The following FRS3 variants were observed in gnomAD, a reference collection of about 807,000 sequenced individuals.
FRS3 encodes fibroblast growth factor receptor substrate 3, also known as FGFR substrate 3.
In FRS3, 17 loss-of-function variants were observed where a neutral mutation model predicts 41.9. The ratio of observed to expected loss-of-function variants is 0.41; its 90% CI spans 0.28 to 0.61. The LOEUF (loss-of-function observed/expected upper bound fraction) is 0.61, where lower values mean the gene tolerates loss of function less well. FRS3 is among the 20% of genes least tolerant of loss of function. The pLI is 0.36. For missense variants in FRS3, 619 were observed against 672.1 expected, an observed-to-expected ratio of 0.92 and a Z score of 0.87; for synonymous variants, 287 against 274.5, an observed-to-expected ratio of 1.05 and a Z score of -0.45.
chr6:41,771,777 C>G, intron 6 of FRS3, 39 bp downstream of exon 6: 1 of 1,544,548 alleles, frequency 6.5e-7, no homozygotes, highest in Non-Finnish European at 8.7e-7. Context: ...CGTCCCCACC[C>G]AGACCAACAG....
chr6:41,773,929 T>A (rs892022691), intron 4 of FRS3, among the ~76,000 whole-genome samples: 4 of 151,634 alleles, frequency 2.6e-5, no homozygotes, highest in Non-Finnish European at 2.9e-5. Flanking sequence ...GTGGAAAGGA[T>A]AGTATTAGAT....
rs570759203 is a variant in FRS3, at chr6:41,778,179, A to C, written c.-167-3T>G. 1.3e-5 allele frequency: 2 copies of C among 152,718 alleles called. No homozygotes were observed. The highest frequency in any genetic ancestry group is 3.9e-4 in the East Asian group (2 of 5,186). 9.5% of individuals were successfully genotyped at this position (152,718 alleles called of 1,614,324 possible). A position where few individuals can be genotyped will look rare whatever the true frequency, so the allele number is the denominator to read the frequency against. ...TCTGGGATACACCTGGGGCTCACCTAGCATAGGAAACAGAGACACTGATTA... is the reference window on the plus strand; with the variant it reads ...TCTGGGATACACCTGGGGCTCACCTCGCATAGGAAACAGAGACACTGATTA... On this transcript the variant is annotated splice_polypyrimidine_tract_variant and splice_region_variant and intron_variant, in intron 1 of 6. Transcript: ENST00000373018.
chr6:41,773,893 GA>G (rs1306846626), intron 4 of FRS3, among the ~76,000 whole-genome samples: 1 of 150,684 alleles, frequency 6.6e-6, no homozygotes, highest in Admixed American at 6.6e-5. Context: ...AAAAAGAAAA[GA>G]AAAAAAACAA....
intron 1 of FRS3, among the ~76,000 whole-genome samples, chr6:41,779,094 T>G (rs1268171131): frequency 6.6e-6 from 1 of 152,178 alleles, no homozygotes; most frequent in African/African-American, 2.4e-5. Flanking sequence ...GGGAAAATAC[T>G]GGGGCTTGAG....
rs369539341 is a variant in FRS3, at chr6:41,770,902, A to T, written c.1196T>A (p.Val399Asp). Residue 399 changes from valine (V) to aspartate (D), a missense_variant, in exon 7 of 7, where the codon GTC (valine) becomes GAC (aspartate). Physicochemically the swap from Val to Asp is radical, Grantham distance 152. Transcript: ENST00000373018. ...PLTRRRGSPR[V>D]FNFDFRRPGP... ...CGGCCGGCGGAAATCAAAGTTGAAG[A>T]CCCTTGGGGAGCCGCGGCGGCGGGT... The T allele has an allele frequency of 6.2e-7, 1 of 1,610,480 alleles. No homozygotes were observed. The highest frequency in any genetic ancestry group is 8.5e-7 in the Non-Finnish European group (1 of 1,179,786).
intron 4 of FRS3, among the ~76,000 whole-genome samples, chr6:41,774,906 C>T (rs1391747233): frequency 6.6e-6 from 1 of 152,194 alleles, no homozygotes; most frequent in Non-Finnish European, 1.5e-5. Flanking sequence ...GGGGTAGCCC[C>T]TCTGGGAACC....
Position 41,771,351 on chromosome 6 carries a change from A to G in FRS3, c.747T>C (p.Ala249=). Residue 249 remains alanine (A), a synonymous_variant, in exon 7 of 7, where the codon GCT becomes GCC. Coordinates refer to ENST00000373018, the MANE Select transcript of FRS3 (RefSeq NM_006653.5). ...QVKFVLGPTP[A]RRHMVKCQGL... ...CCTGGCACTTCACCATGTGCCGCCG[A>G]GCAGGGGTCGGGCCCAACACAAACT... 1 of 1,613,530 alleles carries G rather than the reference A, an allele frequency of 6.2e-7. No individual in the cohort carries two copies.
At chr6:41,779,642 G>A in intron 1 of FRS3, among the ~76,000 whole-genome samples, 174 bp downstream of exon 1, 1 of 152,120 alleles carries the variant, frequency 6.6e-6, no homozygotes, top group South Asian at 2.1e-4. Context: ...AAGGAATGAG[G>A]AGGTCTGGGT....
Position 41,770,847 on chromosome 6 carries a change from G to A in FRS3, c.1251C>T (p.Tyr417=). ...PGPEPPRQLN[Y]IQVELKGWGG... is the part of the protein sequence containing the mutation. ...CCCAGCCCTTTAGCTCCACCTGGAT[G>A]TAGTTAAGCTGCCTTGGGGGCTCGG... is the stretch of plus-strand genomic sequence containing the variant. The change falls in exon 7 of 7, where the codon TAC becomes TAT. Residue 417 remains tyrosine, a synonymous_variant. Coordinates refer to ENST00000373018, the MANE Select transcript of FRS3 (RefSeq NM_006653.5). The A allele has an allele frequency of 1.9e-6, 3 of 1,610,020 alleles. No homozygotes were observed. The highest frequency in any genetic ancestry group is 2.5e-6 in the Non-Finnish European group (3 of 1,179,840).
chr6:41,775,537 C>T lies in FRS3; in HGVS notation c.135G>A (p.Leu45=), dbSNP rs201764062. 8.6e-5 allele frequency: 138 copies of T among 1,613,888 alleles called. No homozygotes were observed. In the East Asian group the frequency reaches 3.0e-3, roughly 35 times the overall value. The change falls in exon 4 of 7, where the codon CTG becomes CTA. Residue 45 remains leucine, a synonymous_variant. Coordinates refer to ENST00000373018, the MANE Select transcript of FRS3 (RefSeq NM_006653.5). ...CCTCACGCCGATGCAGGTGCAGCAC[C>T]AGCTCACTCTGCGTCAGCTCCATCA... is the stretch of plus-strand genomic sequence containing the variant. ...SGVMELTQSE[L]VLHLHRREAV...
In FRS3 at chr6:41,775,509, C is replaced by T. The variant is rs200285392; in HGVS notation, c.163G>A (p.Val55Ile). Reference sequence around the variant, plus strand: ...CGCAAGCAGAGATAAGGCCAGCGGACGGCCTCACGCCGATGCAGGTGCAGC... The same window carrying T: ...CGCAAGCAGAGATAAGGCCAGCGGATGGCCTCACGCCGATGCAGGTGCAGC... ...LVLHLHRREAVRWPYLCLRRY... is the reference protein window; with the variant it reads ...LVLHLHRREAIRWPYLCLRRY... Residue 55 changes from valine to isoleucine, a missense_variant, in exon 4 of 7, where the codon GTC becomes ATC. Val to Ile is a conservative substitution (Grantham distance 29). This residue lies in a region of FRS3 where 100 missense variants were observed against 138.1 expected (regional missense o/e 0.72). Coordinates refer to ENST00000373018, the MANE Select transcript of FRS3 (RefSeq NM_006653.5). The T allele has an allele frequency of 1.1e-5, 18 of 1,614,002 alleles. No homozygotes were observed. The highest frequency in any genetic ancestry group is 1.6e-4 in the Middle Eastern group (1 of 6,062).
chr6:41,773,241 TACAGG>T (rs1336447172), intron 4 of FRS3, among the ~76,000 whole-genome samples: 1 of 152,124 alleles, frequency 6.6e-6, no homozygotes, highest in Non-Finnish European at 1.5e-5. Flanking sequence ...TAGCTGGGAT[TACAGG>T]CGCCCGCCAT....
Position 41,772,938 on chromosome 6 carries a change from G to C in FRS3, c.275C>G (p.Ser92Cys). 2 of 1,613,872 alleles carry C rather than the reference G, an allele frequency of 1.2e-6. No individual in the cohort carries two copies. Among genetic ancestry groups the C allele is most frequent in the Middle Eastern group, 1.7e-4 (1 of 6,048 alleles). ...GAGGTTGAAGATTTCCTCAGCCCGG[G>C]AACACTTAAATGCAAATATTCCTGG... ...TGQGIFAFKCSRAEEIFNLLQ... is the reference protein window; with the variant it reads ...TGQGIFAFKCCRAEEIFNLLQ... The change falls in exon 5 of 7, where the codon TCC becomes TGC. Residue 92 changes from serine to cysteine, a missense_variant. Physicochemically the swap from Ser to Cys is moderately radical, Grantham distance 112. Around this residue, in one of 3 missense-constraint regions of FRS3, gnomAD observed 100 missense variants for 138.1 expected, o/e 0.72. Coordinates refer to ENST00000373018, the MANE Select transcript of FRS3 (RefSeq NM_006653.5).
chr6:41,771,495 G>A lies in FRS3; in HGVS notation c.603C>T (p.Asp201=). 6.4e-7 allele frequency: 1 copy of A among 1,567,810 alleles called. No homozygotes were observed. The highest frequency in any genetic ancestry group is 8.6e-7 in the Non-Finnish European group (1 of 1,158,178). The change falls in exon 7 of 7, where the codon GAC becomes GAT. Residue 201 remains aspartate, a synonymous_variant. Coordinates refer to ENST00000373018, the MANE Select transcript of FRS3 (RefSeq NM_006653.5). ...GCAGGCAGTGGCGGCCCCTGCGGTG[G>A]TCATCTTCACTGGCCGGTGTGTTGA... ...TYVNTPASED[D]HRRGRHCLQP...
chr6:41,772,868 C>T lies in FRS3; in HGVS notation c.345G>A (p.Glu115=). 1 of 1,613,792 alleles carries T rather than the reference C, an allele frequency of 6.2e-7. No individual in the cohort carries two copies. Among genetic ancestry groups the T allele is most frequent in the Non-Finnish European group, 8.5e-7 (1 of 1,179,914 alleles). Residue 115 remains glutamate, a synonymous_variant, in exon 5 of 7, where the codon GAG becomes GAA. Coordinates refer to ENST00000373018, the MANE Select transcript of FRS3 (RefSeq NM_006653.5). ...MQCNSINVME[E]PVIITRNSHP... Reference sequence around the variant, plus strand: ...GGCTATTGCGGGTGATGATGACAGGCTCTTCCATCACATTGATGCTGTTGC... The same window carrying T: ...GGCTATTGCGGGTGATGATGACAGGTTCTTCCATCACATTGATGCTGTTGC...
At chr6:41,772,407 A>T (rs1323061152) in intron 5 of FRS3, among the ~76,000 whole-genome samples, 1 of 152,196 alleles carries the variant, frequency 6.6e-6, no homozygotes. Context: ...ATAAGCAGAA[A>T]TTGTAGGACC....
Position 41,770,981 on chromosome 6 carries a change from G to A in FRS3, c.1117C>T (p.Pro373Ser). The A allele has an allele frequency of 6.2e-7, 1 of 1,613,094 alleles. No homozygotes were observed. Among genetic ancestry groups the A allele is most frequent in the Non-Finnish European group, 8.5e-7 (1 of 1,179,934 alleles). ...CGGATGGCGGCCCGGGTGCTGGTGG[G>A]CTTCTGCAGTGGGGTCTCGTCCTCC... ...GEEDETPLQK[P>S]TSTRAAIRSH... The change falls in exon 7 of 7, where the codon CCC becomes TCC. Residue 373 changes from proline (P) to serine (S), a missense_variant. Around this residue, in one of 3 missense-constraint regions of FRS3, gnomAD observed 487 missense variants for 478.3 expected, o/e 1.02. Coordinates refer to ENST00000373018, the MANE Select transcript of FRS3 (RefSeq NM_006653.5).
In FRS3 at chr6:41,771,051, C is replaced by T. The variant is rs145406268; in HGVS notation, c.1047G>A (p.Ser349=). Reference sequence around the variant, plus strand: ...TGGAAGAGGGTGTGAGCCCATCCCTCGAGTCCCCATCATCCCCAGCCTCCC... The same window carrying T: ...TGGAAGAGGGTGTGAGCCCATCCCTTGAGTCCCCATCATCCCCAGCCTCCC... ...LGGEAGDDGD[S]RDGLTPSSNG... is the part of the protein sequence containing the mutation. The change falls in exon 7 of 7, where the codon TCG becomes TCA. Residue 349 remains serine, a synonymous_variant. Coordinates refer to ENST00000373018, the MANE Select transcript of FRS3 (RefSeq NM_006653.5). 2.4e-5 allele frequency: 39 copies of T among 1,608,732 alleles called. No individual in the cohort carries two copies. Among genetic ancestry groups the T allele is most frequent in the Middle Eastern group, 3.3e-4 (2 of 6,034 alleles).
At position 41,770,362 on chromosome 6, in the gene FRS3, C is replaced by T; in HGVS notation, c.*257G>A. ...AGAACGGGAGGGCGCTAAACGCAATCACAGGAACCCTTCACAGTTGACGTC... is the reference window on the plus strand; with the variant it reads ...AGAACGGGAGGGCGCTAAACGCAATTACAGGAACCCTTCACAGTTGACGTC... On this transcript the variant is annotated 3_prime_UTR_variant, in exon 7 of 7. Transcript: ENST00000373018. 1 of 560,836 alleles carries T rather than the reference C, an allele frequency of 1.8e-6. No individual in the cohort carries two copies. The highest frequency in any genetic ancestry group is 3.2e-6 in the Non-Finnish European group (1 of 316,340). 34.7% of individuals were successfully genotyped at this position (560,836 alleles called of 1,614,324 possible).
Sources: gnomAD v4.1 joint callset for allele counts (sites outside exome capture counted in the v4.1 genomes callset) on GRCh38, gnomAD v4.1.1 for gene constraint, gnomAD v4.1.1 regional missense constraint, MANE v1.5 for transcripts, NCBI Gene and HGNC (gene_info 2026-07-23, HGNC 2026-07-21) for gene names.